Variants in MYO16 observed in about 807,000 individuals in gnomAD.
The protein encoded by MYO16 is myosin XVI.
Under a neutral mutation model 205.3 loss-of-function variants are expected in MYO16, and 94 were observed. That is an observed-to-expected ratio of 0.46 (90% CI 0.39 to 0.54). The LOEUF (loss-of-function observed/expected upper bound fraction) is 0.54. Ranked by LOEUF, MYO16 falls within the 20% of genes least tolerant of loss-of-function variation. MYO16 has a pLI of 0.00. For missense variants in MYO16, 2,315 were observed against 2,387.5 expected (o/e 0.97, Z 0.63); for synonymous variants, 988 against 954.0 (o/e 1.04, Z -0.66).
At chr13:108,704,941 A>C (rs1336187490) in intron 2 of MYO16, among the ~76,000 whole-genome samples, 4 of 151,140 alleles carry the variant, frequency 2.6e-5, no homozygotes, top group Non-Finnish European at 3.0e-5. Context: ...AAACTGACAA[A>C]AAAAAAAACA....
chr13:108,983,462 C>T (rs1217701586), intron 20 of MYO16, among the ~76,000 whole-genome samples: 1 of 152,178 alleles, frequency 6.6e-6, no homozygotes, highest in African/African-American at 2.4e-5. Flanking sequence ...TGAAACAGCA[C>T]AAAGTCCAAT....
chr13:108,661,320 G>A (rs1479070112), intron 1 of MYO16, among the ~76,000 whole-genome samples: 1 of 152,052 alleles, frequency 6.6e-6, no homozygotes, highest in Non-Finnish European at 1.5e-5. Flanking sequence ...CTATTTAGAT[G>A]TCTAGGTCTC....
chr13:108,583,975 A>G, the MYO16 span, among the ~76,000 whole-genome samples: 1 of 152,174 alleles, frequency 6.6e-6, no homozygotes, highest in Non-Finnish European at 1.5e-5. Context: ...TGTTTTTGAT[A>G]CGGAGTCTCG....
chr13:108,964,918 T>C lies in MYO16; in HGVS notation c.2369+16T>C, dbSNP rs757562943. On this transcript the variant is annotated intron_variant, in intron 20 of 34. Coordinates refer to ENST00000457511, the MANE Select transcript of MYO16 (RefSeq NM_001198950.3). Reference sequence around the variant, plus strand: ...AACAGAAAAGGTAGGAGTTGATGGATGTTCGGTTCTGTTGTCATTACTGTA... The same window carrying C: ...AACAGAAAAGGTAGGAGTTGATGGACGTTCGGTTCTGTTGTCATTACTGTA... The C allele has an allele frequency of 6.2e-7, 1 of 1,613,172 alleles. No individual in the cohort carries two copies. Among genetic ancestry groups the C allele is most frequent in the Non-Finnish European group, 8.5e-7 (1 of 1,179,578 alleles).
chr13:108,630,806 TA>T (rs1216399772), intron 1 of MYO16, among the ~76,000 whole-genome samples: 1 of 152,276 alleles, frequency 6.6e-6, no homozygotes, highest in Admixed American at 6.5e-5. Flanking sequence ...TAAAGGAGAC[TA>T]AAAAAATAAT....
chr13:109,048,950 C>T (rs1334560649), intron 24 of MYO16: 1 of 79,984 alleles, frequency 1.3e-5, no homozygotes, highest in Non-Finnish European at 2.2e-5. Flanking sequence ...GTCTACTTCA[C>T]TCAAAAGGAG....
chr13:108,762,702 C>CA (rs748434910), intron 4 of MYO16, among the ~76,000 whole-genome samples: 2 of 152,136 alleles, frequency 1.3e-5, no homozygotes, highest in Admixed American at 1.3e-4. Flanking sequence ...AAGAAAACCT[C>CA]AAAAAATGCA....
At chr13:108,544,830 T>C in the MYO16 span, among the ~76,000 whole-genome samples, 1 of 152,132 alleles carries the variant, frequency 6.6e-6, no homozygotes, top group African/African-American at 2.4e-5. Context: ...GATTTCACAG[T>C]TAAGAGAGAA....
Position 109,140,942 on chromosome 13 carries a change from C to T in MYO16, c.4730C>T (p.Ser1577Phe), listed in dbSNP as rs1322482731. Residue 1577 changes from serine to phenylalanine, a missense_variant, in exon 32 of 35, where the codon TCC becomes TTC. Coordinates refer to ENST00000457511, the MANE Select transcript of MYO16 (RefSeq NM_001198950.3). This position sits in a 1 kb window ranked among gnomAD's most constrained non-coding sequence, Gnocchi z 8.0. ...SQKGDGDRPA[S>F]PGLALFNGSG... ...AAGGGCGACGGCGACAGGCCCGCGT[C>T]CCCCGGCCTGGCGCTGTTCAACGGG... 3.9e-6 allele frequency: 6 copies of T among 1,550,534 alleles called. No individual in the cohort carries two copies. The African/African-American group carries it at 4.3e-5, about 11-fold the overall frequency.
At chr13:108,862,394 T>C (rs1010678683) in intron 11 of MYO16, among the ~76,000 whole-genome samples, 7 of 152,144 alleles carry the variant, frequency 4.6e-5, no homozygotes, top group Non-Finnish European at 8.8e-5. Context: ...TGGTGTCTTT[T>C]GGGATTATGG....
chr13:108,866,299 A>C lies in MYO16; in HGVS notation c.1425+57A>C, dbSNP rs1028433396. 2.8e-5 allele frequency: 30 copies of C among 1,090,334 alleles called. No individual in the cohort carries two copies. In the Middle Eastern group the frequency reaches 1.3e-3, roughly 49 times the overall value. The allele number at this position is 1,090,334 out of a possible 1,614,324, so 67.5% of individuals were successfully genotyped here. On this transcript the variant is annotated intron_variant, in intron 12 of 34. Transcript: ENST00000457511. ...ATGTAGAGTAATACTTTCTAGTCATACATGTTTGTATCAAATGACTAAAAA... is the reference window on the plus strand; with the variant it reads ...ATGTAGAGTAATACTTTCTAGTCATCCATGTTTGTATCAAATGACTAAAAA...
At chr13:109,091,845 G>T (rs755715300) in intron 27 of MYO16, among the ~76,000 whole-genome samples, 7 of 152,060 alleles carry the variant, frequency 4.6e-5, no homozygotes, top group Non-Finnish European at 8.8e-5. Flanking sequence ...ATATTATTTT[G>T]TTGTTCACAA....
intron 14 of MYO16, among the ~76,000 whole-genome samples, chr13:108,896,945 G>A (rs1357919604): frequency 1.3e-5 from 2 of 151,870 alleles, no homozygotes; most frequent in African/African-American, 4.8e-5. Context: ...GCAGTGAGCC[G>A]AGATCACATC....
intron 4 of MYO16, among the ~76,000 whole-genome samples, chr13:108,735,774 T>A (rs905221462): frequency 1.3e-5 from 2 of 151,552 alleles, no homozygotes; most frequent in African/African-American, 4.9e-5. Flanking sequence ...GTAAAAATGT[T>A]CCTATTTCTC....
At chr13:108,920,447 G>A (rs1251815601) in intron 16 of MYO16, among the ~76,000 whole-genome samples, 1 of 137,734 alleles carries the variant, frequency 7.3e-6, no homozygotes, top group Non-Finnish European at 1.5e-5. Flanking sequence ...ATCTCTTTCT[G>A]TCTCTGTCTC....
intron 7 of MYO16, among the ~76,000 whole-genome samples, chr13:108,809,571 C>T (rs1422217760): frequency 4.6e-5 from 7 of 152,032 alleles, no homozygotes; most frequent in Non-Finnish European, 7.4e-5. Flanking sequence ...ATGCTTCGGG[C>T]GGGCAGCAGA....
At chr13:108,499,611 CT>C in the MYO16 span, among the ~76,000 whole-genome samples, 1 of 152,088 alleles carries the variant, frequency 6.6e-6, no homozygotes, top group Non-Finnish European at 1.5e-5. Flanking sequence ...ATTATAATAA[CT>C]AGGAAGACAT....
chr13:109,092,163 A>G (rs1326137361), intron 27 of MYO16, among the ~76,000 whole-genome samples: 1 of 152,254 alleles, frequency 6.6e-6, no homozygotes, highest in Non-Finnish European at 1.5e-5. Context: ...ATGAAGCGGT[A>G]AAGCCAATAT....
chr13:108,932,447 T>G (rs907656952), intron 16 of MYO16, among the ~76,000 whole-genome samples: 2 of 152,222 alleles, frequency 1.3e-5, no homozygotes, highest in Admixed American at 1.3e-4. Context: ...GTTAGCTCTC[T>G]AGAGATTGCT....
Sources: allele counts gnomAD v4.1 joint callset (sites outside exome capture counted in the v4.1 genomes callset), GRCh38; gene constraint gnomAD v4.1.1; non-coding constraint Gnocchi (gnomAD v3.1); transcripts MANE v1.5; gene names NCBI Gene and HGNC (gene_info 2026-07-23, HGNC 2026-07-21).